ESRRG: variants seen among roughly 807,000 people sequenced by gnomAD.
ESRRG encodes the protein estrogen related receptor gamma.
ESRRG carries 13 observed loss-of-function variants against 44.0 expected under a neutral mutation model. The ratio of observed to expected loss-of-function variants is 0.30; its 90% CI spans 0.19 to 0.47. The LOEUF is 0.47. Among genes scored for constraint, ESRRG ranks in the 20% least tolerant of loss-of-function variants. The probability of loss-of-function intolerance (pLI) is 1.00; values close to 1 mark genes in which losing one functional copy is unlikely to be tolerated. For missense variants in ESRRG, 395 were observed against 580.6 expected, an observed-to-expected ratio of 0.68 and a Z score of 3.29; for synonymous variants, 215 against 214.6, an observed-to-expected ratio of 1.00 and a Z score of -0.02.
intron 2 of ESRRG, among the ~76,000 whole-genome samples, chr1:216,827,341 A>C (rs1034548589): frequency 2.0e-4 from 30 of 152,186 alleles, no homozygotes; most frequent in Non-Finnish European, 4.0e-4. Context: ...AAATATATTC[A>C]AATGTGATCC....
chr1:216,530,942 C>T (rs867014641), intron 5 of ESRRG, among the ~76,000 whole-genome samples: 6 of 152,072 alleles, frequency 3.9e-5, no homozygotes, highest in African/African-American at 1.4e-4. Flanking sequence ...AAATGAAAAT[C>T]CTTCAGGTGT....
intron 2 of ESRRG, among the ~76,000 whole-genome samples, chr1:216,763,379 G>A (rs978656831): frequency 5.9e-5 from 9 of 151,950 alleles, no homozygotes; most frequent in East Asian, 1.9e-4. Context: ...TGCTCTCAAC[G>A]GCAGTAGTTA....
At position 217,106,486 on chromosome 1, in the gene ESRRG, G is replaced by A. The variant is rs1403676590; in HGVS notation, c.-230+31181C>T. Among the ~76,000 whole-genome samples, 3 of 151,908 alleles carry A rather than the reference G, an allele frequency of 2.0e-5. No homozygotes were observed. In the East Asian group the frequency reaches 5.8e-4, roughly 29 times the overall value. On this transcript the variant is annotated intron_variant, in intron 1 of 8. Transcript: ENST00000366940. ...CTCATTCCTGAAAGTATTTAGTTCA[G>A]TGTGAATTGAGATGACAGGGTTGTA...
chr1:216,705,443 A>G (rs1457973966), intron 1 of ESRRG, among the ~76,000 whole-genome samples: 3 of 152,158 alleles, frequency 2.0e-5, no homozygotes, highest in African/African-American at 7.2e-5. Context: ...AAGGACACAC[A>G]GTTGTTTTAT....
intron 1 of ESRRG, among the ~76,000 whole-genome samples, chr1:216,683,099 G>A (rs181491809): frequency 2.6e-5 from 4 of 152,240 alleles, no homozygotes; most frequent in East Asian, 3.9e-4. Context: ...ACAGTAATAC[G>A]ATGCTTTGAC....
At chr1:217,046,681 C>T (rs1244381173) in intron 1 of ESRRG, among the ~76,000 whole-genome samples, 8 of 152,124 alleles carry the variant, frequency 5.3e-5, no homozygotes, top group African/African-American at 9.6e-5. Flanking sequence ...TCCAGGAGTT[C>T]GAGACCAGCC....
At chr1:216,737,135 T>C (rs560641305) in intron 2 of ESRRG, among the ~76,000 whole-genome samples, 2 of 152,206 alleles carry the variant, frequency 1.3e-5, no homozygotes, top group African/African-American at 2.4e-5. Flanking sequence ...CCTTGGACTT[T>C]TAAAAACTCT....
chr1:216,921,220 G>A (rs895890024), intron 2 of ESRRG, among the ~76,000 whole-genome samples: 1 of 152,138 alleles, frequency 6.6e-6, no homozygotes, highest in Non-Finnish European at 1.5e-5. Flanking sequence ...TCAGGAGGTG[G>A]AGAGTAGTAG....
intron 5 of ESRRG, among the ~76,000 whole-genome samples, chr1:216,560,567 G>A (rs368343584): frequency 6.6e-6 from 1 of 152,116 alleles, no homozygotes; most frequent in East Asian, 1.9e-4. Context: ...CAAAGTTACA[G>A]TACATAATAA....
chr1:217,029,059 T>TA lies in ESRRG; in HGVS notation c.-106+60447dup, dbSNP rs5780956. On this transcript the variant is annotated intron_variant, in intron 1 of 7. Transcript: ENST00000359162. ...TTTAAAATGAGCTCTCTGAAAAACT[T>TA]AAAAAAAAAAAAGAAGAAATTAATT... is the stretch of plus-strand genomic sequence containing the variant. 5.3e-5 allele frequency among the ~76,000 whole-genome samples: 8 copies of TA among 149,830 alleles called. No individual in the cohort carries two copies. The East Asian group carries it at 5.9e-4, about 11-fold the overall frequency.
chr1:217,042,770 C>G (rs567105799), intron 1 of ESRRG, among the ~76,000 whole-genome samples: 38 of 152,216 alleles, frequency 2.5e-4, no homozygotes, highest in African/African-American at 9.1e-4. Flanking sequence ...CCAAAAGGGT[C>G]TATTTAAATA....
intron 1 of ESRRG, among the ~76,000 whole-genome samples, chr1:217,010,142 G>A (rs559039664): frequency 2.0e-5 from 3 of 152,212 alleles, no homozygotes; most frequent in Non-Finnish European, 2.9e-5. Context: ...CAAATCAGAA[G>A]TGCAGAGATG....
intron 6 of ESRRG, among the ~76,000 whole-genome samples, chr1:216,509,653 CA>C (rs1211286644): frequency 2.6e-5 from 4 of 152,176 alleles, no homozygotes; most frequent in Non-Finnish European, 5.9e-5. Context: ...ACTATTCTTT[CA>C]AGGCTGTGAT....
intron 1 of ESRRG, among the ~76,000 whole-genome samples, chr1:216,700,048 C>T (rs1171533416): frequency 6.6e-6 from 1 of 151,826 alleles, no homozygotes; most frequent in African/African-American, 2.4e-5. Flanking sequence ...ATCGTTGGTC[C>T]AGAGAGAGAG....
intron 1 of ESRRG, among the ~76,000 whole-genome samples, chr1:216,983,590 C>A (rs2074354909): frequency 6.6e-6 from 1 of 151,414 alleles, no homozygotes; most frequent in South Asian, 2.1e-4. Context: ...AAGCAGGTAT[C>A]AAAGATCTTC....
chr1:216,807,283 G>A (rs2094825762), intron 2 of ESRRG, among the ~76,000 whole-genome samples: 1 of 152,178 alleles, frequency 6.6e-6, no homozygotes, highest in African/African-American at 2.4e-5. Flanking sequence ...AATTGTCTAT[G>A]AGAAATGTGT....
At chr1:216,915,028 C>T (rs2060965787) in intron 2 of ESRRG, among the ~76,000 whole-genome samples, 1 of 152,140 alleles carries the variant, frequency 6.6e-6, no homozygotes, top group African/African-American at 2.4e-5. Context: ...TGCTAGTCAC[C>T]AGTGTGTGCC....
Position 216,961,213 on chromosome 1 carries a change from C to T in ESRRG, c.-105-21540G>A, listed in dbSNP as rs188797113. ...AATTGTGCTGAGATAACTGATTAAACGTTAAAGAAACCCTACCTTATACCA... is the reference window on the plus strand; with the variant it reads ...AATTGTGCTGAGATAACTGATTAAATGTTAAAGAAACCCTACCTTATACCA... On this transcript the variant is annotated intron_variant, in intron 1 of 7. Transcript: ENST00000359162. Among the ~76,000 whole-genome samples, 210 of 152,208 alleles carry T rather than the reference C, an allele frequency of 1.4e-3. 1 individual carries two copies. Among genetic ancestry groups the T allele is most frequent in the African/African-American group, 4.6e-3 (193 of 41,550 alleles).
chr1:216,755,968 T>C (rs1576196428), intron 2 of ESRRG, among the ~76,000 whole-genome samples: 1 of 151,976 alleles, frequency 6.6e-6, no homozygotes, highest in South Asian at 2.1e-4. Flanking sequence ...TTACAGGGAA[T>C]CTAAAAAAAC....
Sources: allele counts gnomAD v4.1 joint callset (sites outside exome capture counted in the v4.1 genomes callset), GRCh38; gene constraint gnomAD v4.1.1; transcripts MANE v1.5; gene names NCBI Gene and HGNC (gene_info 2026-07-23, HGNC 2026-07-21).